The following KIAA1217 variants were observed in gnomAD, a reference collection of about 807,000 sequenced individuals.
KIAA1217 encodes the protein KIAA1217.
A neutral mutation model predicts 163.9 loss-of-function variants in KIAA1217; 88 were observed. The observed-to-expected ratio is 0.54, with a 90% confidence interval of 0.45 to 0.64. The LOEUF is 0.64. Among genes scored for constraint, KIAA1217 ranks in the 30% least tolerant of loss-of-function variants. KIAA1217 has a pLI of 0.00. For synonymous variants in KIAA1217, 903 were observed against 923.1 expected (o/e 0.98, Z 0.39); for missense variants, 2,372 against 2,475.0 (o/e 0.96, Z 0.88).
At chr10:24,218,130 T>C (rs1354219032) in intron 1 of KIAA1217, among the ~76,000 whole-genome samples, 1 of 152,216 alleles carries the variant, frequency 6.6e-6, no homozygotes, top group Non-Finnish European at 1.5e-5. Flanking sequence ...GTCTAACTCC[T>C]GAAGTGCTTC....
At chr10:23,925,744 C>T (rs1842995652) in intron 1 of KIAA1217, among the ~76,000 whole-genome samples, 1 of 152,172 alleles carries the variant, frequency 6.6e-6, no homozygotes, top group East Asian at 1.9e-4. Flanking sequence ...AGACTGGATT[C>T]ATTTCTGGTC....
At chr10:24,258,408 T>A (rs2075380441) in intron 2 of KIAA1217, among the ~76,000 whole-genome samples, 1 of 151,936 alleles carries the variant, frequency 6.6e-6, no homozygotes, top group Non-Finnish European at 1.5e-5. Flanking sequence ...TTGGAGGAAG[T>A]GAGGGGTGAC....
At chr10:24,392,160 T>C (rs531406112) in intron 3 of KIAA1217, among the ~76,000 whole-genome samples, 64 of 152,228 alleles carry the variant, frequency 4.2e-4, no homozygotes, top group African/African-American at 1.5e-3. Context: ...GCAGTTAATA[T>C]TAGAATATAA....
chr10:23,837,517 A>T (rs1838535199), intron 1 of KIAA1217, among the ~76,000 whole-genome samples: 1 of 152,040 alleles, frequency 6.6e-6, no homozygotes, highest in African/African-American at 2.4e-5. Context: ...TGACACATTC[A>T]CCTTTCCAGC....
chr10:24,491,158 T>A (rs2066065265), intron 6 of KIAA1217, among the ~76,000 whole-genome samples: 1 of 152,054 alleles, frequency 6.6e-6, no homozygotes, highest in Admixed American at 6.6e-5. Flanking sequence ...CTCCCCAGAC[T>A]TCCATGTGTA....
rs534264470 is a variant in KIAA1217 at position 23,870,495 on chromosome 10, T to C, written c.-320-136730T>C. Among the ~76,000 whole-genome samples the C allele has an allele frequency of 6.6e-5, 10 of 152,130 alleles. 1 individual carries two copies. In the South Asian group the frequency reaches 1.7e-3, roughly 25 times the overall value. ...ACACACTTCAAGAAGCACCAGGAAATTGACAAGGCAACAATAAGGAATGGT... is the reference window on the plus strand; with the variant it reads ...ACACACTTCAAGAAGCACCAGGAAACTGACAAGGCAACAATAAGGAATGGT... On this transcript the variant is annotated intron_variant, in intron 1 of 18. Coordinates refer to the KIAA1217 transcript ENST00000376462.
intron 1 of KIAA1217, among the ~76,000 whole-genome samples, chr10:23,960,949 G>T (rs1844794770): frequency 6.6e-6 from 1 of 152,148 alleles, no homozygotes; most frequent in Admixed American, 6.5e-5. Context: ...ACTAAAATAT[G>T]AAATTACACT....
At chr10:23,986,595 AT>A (rs1564588579) in intron 1 of KIAA1217, among the ~76,000 whole-genome samples, 1 of 151,952 alleles carries the variant, frequency 6.6e-6, no homozygotes, top group Non-Finnish European at 1.5e-5. Flanking sequence ...TTTTTTATGA[AT>A]TTTTTTGATC....
chr10:23,725,033 A>T (rs1175179439), intron 1 of KIAA1217, among the ~76,000 whole-genome samples: 1 of 152,122 alleles, frequency 6.6e-6, no homozygotes, highest in Admixed American at 6.6e-5. Context: ...CCAAAACTTT[A>T]TGACAACCTT....
chr10:24,477,592 T>C (rs540200580), intron 6 of KIAA1217, among the ~76,000 whole-genome samples: 2 of 152,346 alleles, frequency 1.3e-5, no homozygotes, highest in Non-Finnish European at 2.9e-5. Flanking sequence ...AGATGCTAAG[T>C]AACTGCTCCT....
At chr10:23,933,251 C>T (rs1475271569) in intron 1 of KIAA1217, among the ~76,000 whole-genome samples, 1 of 152,164 alleles carries the variant, frequency 6.6e-6, no homozygotes, top group Non-Finnish European at 1.5e-5. Context: ...AATAGAGTTT[C>T]AGACCAAATA....
At chr10:24,418,251 C>A (rs1431247926) in intron 3 of KIAA1217, among the ~76,000 whole-genome samples, 1 of 152,100 alleles carries the variant, frequency 6.6e-6, no homozygotes, top group East Asian at 1.9e-4. Flanking sequence ...TGAGCCATTG[C>A]GCCCAGCCAA....
At chr10:24,067,466 T>G (rs1589374070) in intron 2 of KIAA1217, among the ~76,000 whole-genome samples, 1 of 152,200 alleles carries the variant, frequency 6.6e-6, no homozygotes, top group East Asian at 1.9e-4. Context: ...CGGATATTGG[T>G]GAACCGCAAA....
chr10:23,715,427 T>A (rs999819459), intron 1 of KIAA1217, among the ~76,000 whole-genome samples: 3 of 152,162 alleles, frequency 2.0e-5, no homozygotes, highest in African/African-American at 4.8e-5. Context: ...TCATAAATAG[T>A]TTCTGAGGAG....
chr10:23,974,828 T>A (rs962205884), intron 1 of KIAA1217, among the ~76,000 whole-genome samples: 2 of 152,110 alleles, frequency 1.3e-5, no homozygotes, highest in Non-Finnish European at 2.9e-5. Context: ...ATAAGCTACT[T>A]CTTTCTCCCT....
At chr10:23,933,217 C>T (rs1843329712) in intron 1 of KIAA1217, among the ~76,000 whole-genome samples, 2 of 152,178 alleles carry the variant, frequency 1.3e-5, no homozygotes, top group African/African-American at 4.8e-5. Context: ...TCACATTCTG[C>T]AGGGAGAGTT....
At chr10:23,929,669 T>A (rs776160770) in intron 1 of KIAA1217, among the ~76,000 whole-genome samples, 1 of 152,250 alleles carries the variant, frequency 6.6e-6, no homozygotes, top group Non-Finnish European at 1.5e-5. Flanking sequence ...GGCTGCGTAG[T>A]ATCCATGAGG....
intron 2 of KIAA1217, among the ~76,000 whole-genome samples, chr10:24,054,671 A>T (rs1022608074): frequency 1.3e-5 from 2 of 152,218 alleles, no homozygotes; most frequent in African/African-American, 4.8e-5. Context: ...ATATGTCATT[A>T]GGCAATTTCA....
intron 2 of KIAA1217, among the ~76,000 whole-genome samples, chr10:24,077,897 A>T (rs940208659): frequency 6.6e-6 from 1 of 152,064 alleles, no homozygotes; most frequent in Non-Finnish European, 1.5e-5. Context: ...CTGGTGTGAG[A>T]TGGTATCGCA....
Sources: allele counts gnomAD v4.1 joint callset (sites outside exome capture counted in the v4.1 genomes callset), GRCh38; gene constraint gnomAD v4.1.1; transcripts MANE v1.5; gene names NCBI Gene and HGNC (gene_info 2026-07-23, HGNC 2026-07-21).